The following ARL15 variants were observed in gnomAD, a reference collection of about 807,000 sequenced individuals.
ARL15 encodes ADP-ribosylation factor-like protein 15.
In ARL15, 19 loss-of-function variants were observed where a neutral mutation model predicts 25.2. That is an observed-to-expected ratio of 0.75 (90% CI 0.53 to 1.10). The LOEUF is 1.10. ARL15 is among the 50% of genes least tolerant of loss of function. The pLI, the probability that ARL15 is intolerant of heterozygous loss-of-function variation, is 0.00. For synonymous variants in ARL15, 94 were observed against 86.8 expected (o/e 1.08, Z -0.46); for missense variants, 220 against 246.0 (o/e 0.89, Z 0.71).
intron 3 of ARL15, among the ~76,000 whole-genome samples, chr5:54,132,933 A>G (rs541304137): frequency 1.3e-5 from 2 of 152,266 alleles, no homozygotes; most frequent in African/African-American, 4.8e-5. Flanking sequence ...CACTTATCCA[A>G]CTGCCTAAAA....
intron 1 of ARL15, among the ~76,000 whole-genome samples, chr5:54,221,025 G>A (rs1482932456): frequency 6.6e-6 from 1 of 151,824 alleles, no homozygotes; most frequent in Non-Finnish European, 1.5e-5. Flanking sequence ...TCTTTCTGCC[G>A]AAAGTCTAAT....
At chr5:54,116,302 G>A (rs1752895703) in intron 3 of ARL15, among the ~76,000 whole-genome samples, 1 of 152,140 alleles carries the variant, frequency 6.6e-6, no homozygotes. Context: ...GGAGATGGAT[G>A]CACTGGCCCA....
At chr5:54,124,022 A>G (rs2112253062) in intron 3 of ARL15, among the ~76,000 whole-genome samples, 2 of 152,294 alleles carry the variant, frequency 1.3e-5, no homozygotes, top group Middle Eastern at 6.8e-3. Flanking sequence ...CGAAGAACAC[A>G]CTCAGGAGAA....
chr5:54,083,450 C>T (rs982086125), intron 4 of ARL15, among the ~76,000 whole-genome samples: 4 of 152,004 alleles, frequency 2.6e-5, no homozygotes, highest in South Asian at 2.1e-4. Context: ...GGGATGGTTG[C>T]GCAAGAATTA....
At chr5:54,214,717 C>G (rs1756132997) in intron 1 of ARL15, among the ~76,000 whole-genome samples, 1 of 152,140 alleles carries the variant, frequency 6.6e-6, no homozygotes, top group Admixed American at 6.6e-5. Context: ...CTTCTGACTT[C>G]ATTTCAATGA....
chr5:53,901,596 A>G (rs1400926615), intron 4 of ARL15, among the ~76,000 whole-genome samples: 1 of 142,146 alleles, frequency 7.0e-6, no homozygotes, highest in Middle Eastern at 3.3e-3. Context: ...TGCATTCACC[A>G]TGAAATTGAT....
chr5:54,050,488 T>G (rs1429778325), intron 4 of ARL15, among the ~76,000 whole-genome samples: 2 of 152,166 alleles, frequency 1.3e-5, no homozygotes, highest in African/African-American at 4.8e-5. Flanking sequence ...GCAATTAATC[T>G]TGAAAGTTTC....
intron 3 of ARL15, among the ~76,000 whole-genome samples, chr5:54,130,916 AG>A: frequency 6.6e-6 from 1 of 152,290 alleles, no homozygotes; most frequent in Admixed American, 6.5e-5. Context: ...GTATGTGTGG[AG>A]GGGAGAAAAT....
intron 4 of ARL15, among the ~76,000 whole-genome samples, chr5:53,991,553 A>G (rs1359426406): frequency 1.4e-4 from 21 of 145,100 alleles, no homozygotes; most frequent in Middle Eastern, 3.5e-3. Flanking sequence ...AAAAAAAAAA[A>G]AAAAAAAAGG....
At chr5:54,296,615 A>G (rs1758471312) in intron 1 of ARL15, among the ~76,000 whole-genome samples, 1 of 152,214 alleles carries the variant, frequency 6.6e-6, no homozygotes, top group African/African-American at 2.4e-5. Flanking sequence ...GTCCTATAAC[A>G]CAGACAGGAA....
chr5:54,090,823 C>G (rs953705580), intron 4 of ARL15, among the ~76,000 whole-genome samples: 1 of 152,134 alleles, frequency 6.6e-6, no homozygotes, highest in Non-Finnish European at 1.5e-5. Flanking sequence ...TCTACAAACA[C>G]TACTTAGCAA....
At chr5:53,907,457 CATATATATATATAT>C (rs1174664612) in intron 4 of ARL15, among the ~76,000 whole-genome samples, 4 of 23,856 alleles carry the variant, frequency 1.7e-4, no homozygotes, top group African/African-American at 5.4e-4. Flanking sequence ...CTTAAGAGTT[CATATATATATATAT>C]ATATATATAT....
intron 1 of ARL15, among the ~76,000 whole-genome samples, chr5:54,239,708 G>A (rs1027543364): frequency 2.0e-5 from 3 of 152,084 alleles, no homozygotes; most frequent in Non-Finnish European, 4.4e-5. Flanking sequence ...CCTTTCTACT[G>A]TCTGAAACGT....
intron 4 of ARL15, among the ~76,000 whole-genome samples, chr5:54,106,714 G>A (rs1347395309): frequency 6.6e-6 from 1 of 152,048 alleles, no homozygotes; most frequent in Non-Finnish European, 1.5e-5. Flanking sequence ...ATTGGTTGTT[G>A]GTTGAATACA....
intron 3 of ARL15, among the ~76,000 whole-genome samples, chr5:54,124,634 T>C (rs1753187232): frequency 6.6e-6 from 1 of 152,216 alleles, no homozygotes; most frequent in African/African-American, 2.4e-5. Context: ...TCTAAGGTCA[T>C]GCACCATTGT....
intron 4 of ARL15, among the ~76,000 whole-genome samples, chr5:54,057,355 C>T (rs560123841): frequency 1.9e-3 from 294 of 152,258 alleles, no homozygotes; most frequent in South Asian, 0.01. Context: ...ACATGATTTT[C>T]CTCCAAAAAT....
intron 4 of ARL15, among the ~76,000 whole-genome samples, chr5:54,105,435 GATAAA>G (rs1752559287): frequency 6.6e-6 from 1 of 151,938 alleles, no homozygotes; most frequent in South Asian, 2.1e-4. Flanking sequence ...ATATTGTTTG[GATAAA>G]ATCAGTCTCT....
At chr5:54,082,713 A>G (rs1157848483) in intron 4 of ARL15, among the ~76,000 whole-genome samples, 3 of 152,022 alleles carry the variant, frequency 2.0e-5, no homozygotes, top group African/African-American at 7.3e-5. Flanking sequence ...TTGCACCTTT[A>G]ATGCTCAGAA....
At chr5:54,151,080 A>G (rs954048084) in intron 3 of ARL15, among the ~76,000 whole-genome samples, 4 of 152,100 alleles carry the variant, frequency 2.6e-5, no homozygotes, top group Non-Finnish European at 5.9e-5. Flanking sequence ...CTTATCTGTG[A>G]GATAATAATA....
Sources: allele counts gnomAD v4.1 joint callset (sites outside exome capture counted in the v4.1 genomes callset), GRCh38; gene constraint gnomAD v4.1.1; transcripts MANE v1.5; gene names NCBI Gene and HGNC (gene_info 2026-07-23, HGNC 2026-07-21).